GPR137C: variants seen among roughly 807,000 people sequenced by gnomAD.
GPR137C encodes the protein G protein-coupled receptor 137C, also known as integral membrane protein GPR137C.
GPR137C carries 27 observed loss-of-function variants against 43.4 expected under a neutral mutation model. The observed-to-expected ratio is 0.62, with a 90% confidence interval of 0.46 to 0.86. GPR137C has a LOEUF of 0.86. Ranked by LOEUF, GPR137C falls within the 40% of genes least tolerant of loss-of-function variation. The probability of loss-of-function intolerance (pLI) is 0.00; values close to 1 mark genes in which losing one functional copy is unlikely to be tolerated. For synonymous variants in GPR137C, 285 were observed against 226.9 expected (o/e 1.26, Z -2.30); for missense variants, 522 against 534.6 (o/e 0.98, Z 0.23).
At chr14:52,613,736 T>C in intron 3 of GPR137C, 1 of 250,996 alleles carries the variant, frequency 4.0e-6, no homozygotes, top group Admixed American at 4.2e-5. Flanking sequence ...CCACATTTCT[T>C]TACCCATTCA....
intron 1 of GPR137C, among the ~76,000 whole-genome samples, chr14:52,570,442 C>G (rs1347764945): frequency 6.6e-6 from 1 of 152,088 alleles, no homozygotes; most frequent in Non-Finnish European, 1.5e-5. Context: ...CATCGACTAA[C>G]GGGCAAAATA....
intron 1 of GPR137C, among the ~76,000 whole-genome samples, chr14:52,561,903 A>G (rs1161242386): frequency 6.6e-6 from 1 of 152,164 alleles, no homozygotes; most frequent in Non-Finnish European, 1.5e-5. Context: ...GATAGTTTCA[A>G]AGGTTGTACA....
At chr14:52,611,633 T>A (rs1437650144) in intron 3 of GPR137C, 2 of 536,864 alleles carry the variant, frequency 3.7e-6, no homozygotes, top group Non-Finnish European at 4.8e-6. Context: ...GACTTTTTAG[T>A]ATCTTTTCAG....
rs780700823 is a variant in GPR137C, at chr14:52,635,801, T to C, written c.*686T>C. 16 of 152,038 alleles carry C rather than the reference T, an allele frequency of 1.1e-4. No individual in the cohort carries two copies. The highest frequency in any genetic ancestry group is 1.9e-4 in the Non-Finnish European group (13 of 67,974). 9.4% of individuals were successfully genotyped at this position (152,038 alleles called of 1,614,324 possible). A position where few individuals can be genotyped will look rare whatever the true frequency, so the allele number is the denominator to read the frequency against. ...GTGAAAATTGTGTGGCTATTTTGAG[T>C]AGAATTGGTCAGTTGATTATTTTGT... On this transcript the variant is annotated 3_prime_UTR_variant, in exon 7 of 7. Coordinates refer to ENST00000321662, the MANE Select transcript of GPR137C (RefSeq NM_001099652.2).
At chr14:52,576,624 T>C (rs913540898) in intron 1 of GPR137C, among the ~76,000 whole-genome samples, 1 of 152,184 alleles carries the variant, frequency 6.6e-6, no homozygotes, top group African/African-American at 2.4e-5. Flanking sequence ...CATCACTATA[T>C]ACATCATCGA....
chr14:52,580,265 A>G (rs1307020965), intron 1 of GPR137C, among the ~76,000 whole-genome samples: 1 of 152,242 alleles, frequency 6.6e-6, no homozygotes, highest in African/African-American at 2.4e-5. Context: ...AATCATCAAA[A>G]TTCATTTGAT....
chr14:52,635,188 A>G lies in GPR137C; in HGVS notation c.*73A>G. The stretch of plus-strand genomic sequence containing the variant: ...TATTCAATGTGTTTAAATTCCATCT[A>G]CATAAACATTCCATTATCTGTTGCA... On this transcript the variant is annotated 3_prime_UTR_variant, in exon 7 of 7. Coordinates refer to ENST00000321662, the MANE Select transcript of GPR137C (RefSeq NM_001099652.2). The G allele has an allele frequency of 1.6e-6, 2 of 1,221,114 alleles. No individual in the cohort carries two copies. Among genetic ancestry groups the G allele is most frequent in the East Asian group, 2.7e-5 (1 of 37,390 alleles). 75.6% of individuals were successfully genotyped at this position (1,221,114 alleles called of 1,614,324 possible).
chr14:52,561,860 TAGTG>T (rs754468696), intron 1 of GPR137C, among the ~76,000 whole-genome samples: 2 of 152,092 alleles, frequency 1.3e-5, no homozygotes, highest in Non-Finnish European at 2.9e-5. Flanking sequence ...GGGTGAAATT[TAGTG>T]GGTGGGGAGA....
intron 1 of GPR137C, among the ~76,000 whole-genome samples, chr14:52,589,692 C>G (rs2038757299): frequency 6.6e-6 from 1 of 152,122 alleles, no homozygotes; most frequent in Non-Finnish European, 1.5e-5. Context: ...CGCATAACAA[C>G]GTTTCAGTCA....
chr14:52,576,478 T>C (rs1243035987), intron 1 of GPR137C, among the ~76,000 whole-genome samples: 1 of 152,254 alleles, frequency 6.6e-6, no homozygotes, highest in Non-Finnish European at 1.5e-5. Flanking sequence ...TTTGGGTATA[T>C]ACCCAGTAGT....
At chr14:52,606,571 G>GGACT (rs1386512531) in intron 3 of GPR137C, among the ~76,000 whole-genome samples, 1 of 151,872 alleles carries the variant, frequency 6.6e-6, no homozygotes, top group African/African-American at 2.4e-5. Flanking sequence ...CCCAGGGCTG[G>GGACT]GACTACAGGC....
intron 1 of GPR137C, among the ~76,000 whole-genome samples, chr14:52,590,605 C>CTGTATGTTTT: frequency 6.6e-6 from 1 of 152,100 alleles, no homozygotes. Flanking sequence ...ATCTTGTATA[C>CTGTATGTTTT]CACATTTTTA....
intron 1 of GPR137C, among the ~76,000 whole-genome samples, chr14:52,585,051 A>G (rs1227442792): frequency 6.6e-6 from 1 of 152,110 alleles, no homozygotes; most frequent in Non-Finnish European, 1.5e-5. Flanking sequence ...AATGTTTTTC[A>G]TATTCCAGTG....
At position 52,636,912 on chromosome 14, in the gene GPR137C, T is replaced by C. The variant is rs1240908890; in HGVS notation, c.*1797T>C. 3 of 152,156 alleles carry C rather than the reference T, an allele frequency of 2.0e-5. No homozygotes were observed. Among genetic ancestry groups the C allele is most frequent in the East Asian group, 1.9e-4 (1 of 5,202 alleles). The allele number at this position is 152,156 out of a possible 1,614,324, so 9.4% of individuals were successfully genotyped here. The stretch of plus-strand genomic sequence containing the variant: ...ATTGCTTCTCAGAATGCTAACTGTT[T>C]ATTTTGCTAATAATGTTAGGCATCT... On this transcript the variant is annotated 3_prime_UTR_variant, in exon 7 of 7. Coordinates refer to ENST00000321662, the MANE Select transcript of GPR137C (RefSeq NM_001099652.2).
At chr14:52,626,417 T>C (rs936392279) in intron 3 of GPR137C, among the ~76,000 whole-genome samples, 4 of 149,906 alleles carry the variant, frequency 2.7e-5, no homozygotes, top group Non-Finnish European at 3.0e-5. Flanking sequence ...CAATAAACAA[T>C]GAAAAGGCAT....
At chr14:52,588,919 C>A (rs1367701812) in intron 1 of GPR137C, among the ~76,000 whole-genome samples, 1 of 152,040 alleles carries the variant, frequency 6.6e-6, no homozygotes, top group East Asian at 1.9e-4. Context: ...TTTTGAAAAT[C>A]ATATATAGAA....
chr14:52,585,341 A>G (rs181318169), intron 1 of GPR137C, among the ~76,000 whole-genome samples: 4 of 152,248 alleles, frequency 2.6e-5, no homozygotes, highest in Admixed American at 6.5e-5. Flanking sequence ...AGCCTTCCTA[A>G]CAATTAAACT....
intron 6 of GPR137C, among the ~76,000 whole-genome samples, 182 bp downstream of exon 6, chr14:52,634,128 G>A (rs1422856456): frequency 6.6e-6 from 1 of 152,092 alleles, no homozygotes; most frequent in Admixed American, 6.6e-5. Flanking sequence ...GCATTATCAG[G>A]AACTACCATT....
At chr14:52,599,685 C>T (rs559266723) in intron 2 of GPR137C, among the ~76,000 whole-genome samples, 3 of 152,262 alleles carry the variant, frequency 2.0e-5, no homozygotes, top group South Asian at 2.1e-4. Context: ...CTGCCTGCCT[C>T]GGCCTCCCAA....
Sources: gnomAD v4.1 joint callset for allele counts (sites outside exome capture counted in the v4.1 genomes callset) on GRCh38, gnomAD v4.1.1 for gene constraint, MANE v1.5 for transcripts, NCBI Gene and HGNC (gene_info 2026-07-23, HGNC 2026-07-21) for gene names.